The following CNTN2 variants were observed in gnomAD, a reference collection of about 807,000 sequenced individuals.
The protein encoded by CNTN2 is contactin 2.
Under a neutral mutation model 117.5 loss-of-function variants are expected in CNTN2, and 53 were observed. The ratio of observed to expected loss-of-function variants is 0.45; its 90% CI spans 0.36 to 0.57. CNTN2 has a LOEUF of 0.57. CNTN2 is among the 20% of genes least tolerant of loss of function. The pLI, the probability that CNTN2 is intolerant of heterozygous loss-of-function variation, is 0.00. For synonymous variants in CNTN2, 530 were observed against 561.7 expected, an observed-to-expected ratio of 0.94 and a Z score of 0.80; for missense variants, 1,106 against 1,404.3, an observed-to-expected ratio of 0.79 and a Z score of 3.39.
chr1:205,061,241 C>A lies in CNTN2; in HGVS notation c.798-4C>A. 1.2e-6 allele frequency: 2 copies of A among 1,603,130 alleles called. No individual in the cohort carries two copies. The highest frequency in any genetic ancestry group is 1.7e-4 in the Middle Eastern group (1 of 5,764). On this transcript the variant is annotated splice_region_variant and splice_polypyrimidine_tract_variant and intron_variant, in intron 7 of 22. Transcript: ENST00000331830. The surrounding 1 kb of genome is among the most constrained non-coding windows in gnomAD (Gnocchi z 4.8). ...ACACCCTCTGGCTTTGTCTCTCCTGCCAGCCCTGTCCCCCGGATCAAGTGG... is the reference window on the plus strand; with the variant it reads ...ACACCCTCTGGCTTTGTCTCTCCTGACAGCCCTGTCCCCCGGATCAAGTGG...
rs1654722972 is a variant in CNTN2 at position 205,073,777 on chromosome 1, C to T, written c.*12C>T. 6.2e-7 allele frequency: 1 copy of T among 1,608,756 alleles called. No individual in the cohort carries two copies. The highest frequency in any genetic ancestry group is 1.3e-5 in the African/African-American group (1 of 74,982). On this transcript the variant is annotated 3_prime_UTR_variant, in exon 23 of 23. Transcript: ENST00000331830. The surrounding 1 kb of genome is among the most constrained non-coding windows in gnomAD (Gnocchi z 6.3). ...CCCTGGAGCTCTGATCCTGGAACCC[C>T]TCCCTCTGCGCCGCAGCTGGACGCC...
chr1:205,068,416 AC>A (rs1654418213), intron 16 of CNTN2: 1 of 152,146 alleles, frequency 6.6e-6, no homozygotes, highest in African/African-American at 2.4e-5. Flanking sequence ...GAATCACTCA[AC>A]ATTTTTAGCT....
rs1654887830 is a variant in CNTN2, at chr1:205,076,841, G to GATACAAT, written c.*3076_*3077insATACAAT. ...AGGTCAGGTTATCTGCTTTCATTCA[G>GATACAAT]GGCAACAAATGATACAAATGGTGCC... On this transcript the variant is annotated 3_prime_UTR_variant, in exon 23 of 23. Coordinates refer to ENST00000331830, the MANE Select transcript of CNTN2 (RefSeq NM_005076.5). 8 of 152,306 alleles carry GATACAAT rather than the reference G, an allele frequency of 5.3e-5. No individual in the cohort carries two copies. The highest frequency in any genetic ancestry group is 5.2e-4 in the Admixed American group (8 of 15,278). The allele number at this position is 152,306 out of a possible 1,614,324, so 9.4% of individuals were successfully genotyped here.
intron 1 of CNTN2, among the ~76,000 whole-genome samples, chr1:205,049,543 G>A (rs1159529443): frequency 1.3e-5 from 2 of 152,112 alleles, no homozygotes; most frequent in East Asian, 1.9e-4. Flanking sequence ...TAGGGACTCC[G>A]GGTAGGAATC....
At chr1:205,071,761 A>G (rs1326795577) in intron 19 of CNTN2, among the ~76,000 whole-genome samples, 186 bp from the exon 20 acceptor site, 1 of 152,142 alleles carries the variant, frequency 6.6e-6, no homozygotes, top group South Asian at 2.1e-4. Context: ...GCACCAACAG[A>G]CAGCAGGGAC....
chr1:205,075,889 C>G lies in CNTN2; in HGVS notation c.*2124C>G, dbSNP rs1654838929. On this transcript the variant is annotated 3_prime_UTR_variant, in exon 23 of 23. Coordinates refer to ENST00000331830, the MANE Select transcript of CNTN2 (RefSeq NM_005076.5). ...ACTTGGCCTGTGCCTGGTTCTCTAT[C>G]AGAAAGGGGATGCTGAACAAAACCT... 1.3e-5 allele frequency: 2 copies of G among 152,232 alleles called. No homozygotes were observed. Among genetic ancestry groups the G allele is most frequent in the South Asian group, 2.1e-4 (1 of 4,828 alleles). 9.4% of individuals were successfully genotyped at this position (152,232 alleles called of 1,614,324 possible).
intron 9 of CNTN2, chr1:205,062,216 AGTGATGT>A: frequency 1.2e-6 from 1 of 816,008 alleles, no homozygotes; most frequent in East Asian, 2.8e-5. Flanking sequence ...CCACAAAAGA[AGTGATGT>A]GGTCCTGACT....
chr1:205,044,724 G>A (rs752951811), intron 1 of CNTN2, among the ~76,000 whole-genome samples: 10 of 152,172 alleles, frequency 6.6e-5, no homozygotes, highest in South Asian at 4.1e-4. Context: ...CAGAGGGGCC[G>A]GATGAGCCAC....
chr1:205,061,326 C>A lies in CNTN2; in HGVS notation c.879C>A (p.Ile293=). 2 of 1,614,110 alleles carry A rather than the reference C, an allele frequency of 1.2e-6. No homozygotes were observed. Among genetic ancestry groups the A allele is most frequent in the Non-Finnish European group, 1.7e-6 (2 of 1,179,994 alleles). The change falls in exon 8 of 23, where the codon ATC becomes ATA. Residue 293 remains isoleucine, a synonymous_variant. Transcript: ENST00000331830. This position sits in a 1 kb window ranked among gnomAD's most constrained non-coding sequence, Gnocchi z 4.8. ...QWTTAEPTLQ[I]PSVSFEDEGT... ...CCACAGCTGAGCCCACCCTGCAGAT[C>A]CCCAGCGTCAGCTTTGAGGATGAGG...
Position 205,065,890 on chromosome 1 carries a change from G to C in CNTN2, c.1797G>C (p.Glu599Asp), listed in dbSNP as rs1437840891. Residue 599 changes from glutamate to aspartate, a missense_variant, in exon 14 of 23, where the codon GAG becomes GAC. By Grantham distance (45) the Glu-to-Asp change is conservative. Coordinates refer to ENST00000331830, the MANE Select transcript of CNTN2 (RefSeq NM_005076.5). The surrounding 1 kb of genome is among the most constrained non-coding windows in gnomAD (Gnocchi z 4.1). ...CGGTGGTGGACAGCGCGTCCAAGGA[G>C]GCCACAGTCCTGGTCCGAGGTGAGG... ...AQTVVDSASK[E>D]ATVLVRGPPG... 2 of 1,613,548 alleles carry C rather than the reference G, an allele frequency of 1.2e-6. No individual in the cohort carries two copies. Among genetic ancestry groups the C allele is most frequent in the African/African-American group, 2.7e-5 (2 of 75,008 alleles).
chr1:205,070,094 AC>A, intron 18 of CNTN2, 33 bp downstream of exon 18: 6 of 1,593,384 alleles, frequency 3.8e-6, no homozygotes, highest in Non-Finnish European at 5.1e-6. Context: ...GCTCGTCCCT[AC>A]CCCAGCCACT....
Position 205,074,095 on chromosome 1 carries a change from A to G in CNTN2, c.*330A>G, listed in dbSNP as rs1243432541. 1.8e-6 allele frequency: 1 copy of G among 560,720 alleles called. No individual in the cohort carries two copies. Among genetic ancestry groups the G allele is most frequent in the Non-Finnish European group, 3.2e-6 (1 of 316,942 alleles). 34.7% of individuals were successfully genotyped at this position (560,720 alleles called of 1,614,324 possible). ...TTTAAAAACATGTCTTCAACTCAGC[A>G]GAGATGGCCCTCTGGGACCCTATAC... On this transcript the variant is annotated 3_prime_UTR_variant, in exon 23 of 23. Coordinates refer to ENST00000331830, the MANE Select transcript of CNTN2 (RefSeq NM_005076.5).
intron 9 of CNTN2, 158 bp downstream of exon 9, chr1:205,062,159 C>A: frequency 1.1e-6 from 1 of 951,114 alleles, no homozygotes; most frequent in Non-Finnish European, 1.5e-6. Context: ...TTCTTCCCAT[C>A]CCAGTCCCAT....
chr1:205,046,838 A>T (rs1042353745), intron 1 of CNTN2, among the ~76,000 whole-genome samples: 2 of 152,086 alleles, frequency 1.3e-5, no homozygotes, highest in Non-Finnish European at 2.9e-5. Flanking sequence ...AAGTAGGAAA[A>T]CCTAAGGTCT....
In CNTN2 at chr1:205,065,023, C is replaced by A; in HGVS notation, c.1520-64C>A. The A allele has an allele frequency of 6.4e-7, 1 of 1,560,078 alleles. No individual in the cohort carries two copies. The highest frequency in any genetic ancestry group is 8.8e-7 in the Non-Finnish European group (1 of 1,141,798). On this transcript the variant is annotated intron_variant, in intron 12 of 22. Coordinates refer to ENST00000331830, the MANE Select transcript of CNTN2 (RefSeq NM_005076.5). This position sits in a 1 kb window ranked among gnomAD's most constrained non-coding sequence, Gnocchi z 4.1. ...TTAGGACAGAGCCTCTCAGCCTGCC[C>A]TGCGGACCCGGCCTGGGCCCATTTC... is the stretch of plus-strand genomic sequence containing the variant.
chr1:205,064,240 C>T (rs945662483), intron 10 of CNTN2, 82 bp from the exon 11 acceptor site: 11 of 1,441,254 alleles, frequency 7.6e-6, no homozygotes, highest in East Asian at 6.9e-5. Flanking sequence ...TCACTCATGG[C>T]GTGGCTTCAA....
intron 1 of CNTN2, among the ~76,000 whole-genome samples, chr1:205,045,040 G>T (rs935799180): frequency 6.6e-6 from 1 of 152,132 alleles, no homozygotes; most frequent in African/African-American, 2.4e-5. Context: ...ACAGGAAAGG[G>T]CCCCTGACCT....
At position 205,048,423 on chromosome 1, in the gene CNTN2, G is replaced by GCCC. The variant is rs1242264586; in HGVS notation, c.-86-4674_-86-4672dup. Among the ~76,000 whole-genome samples, 1 of 151,924 alleles carries GCCC rather than the reference G, an allele frequency of 6.6e-6. No homozygotes were observed. The highest frequency in any genetic ancestry group is 1.5e-5 in the Non-Finnish European group (1 of 67,976). On this transcript the variant is annotated intron_variant, in intron 1 of 22. Coordinates refer to ENST00000331830, the MANE Select transcript of CNTN2 (RefSeq NM_005076.5). The surrounding 1 kb of genome is among the most constrained non-coding windows in gnomAD (Gnocchi z 4.1). ...GACAATTCAGCCAACTCCCCCTGGT[G>GCCC]CCCCCGAACCCCCCAGTGGTCCACT...
In CNTN2 at chr1:205,058,494, T is replaced by C. The variant is rs1335113437; in HGVS notation, c.392-74T>C. ...ACATGCCTTAGTGAACTGCTGCTTC[T>C]CCGTGAAGGATGAGTCGGGGAGGGG... On this transcript the variant is annotated intron_variant, in intron 4 of 22. Coordinates refer to ENST00000331830, the MANE Select transcript of CNTN2 (RefSeq NM_005076.5). The surrounding 1 kb of genome is among the most constrained non-coding windows in gnomAD (Gnocchi z 4.3). 15 of 1,570,410 alleles carry C rather than the reference T, an allele frequency of 9.6e-6. No individual in the cohort carries two copies. The highest frequency in any genetic ancestry group is 2.6e-6 in the Non-Finnish European group (3 of 1,144,820).
Sources: allele counts gnomAD v4.1 joint callset (sites outside exome capture counted in the v4.1 genomes callset), GRCh38; gene constraint gnomAD v4.1.1; non-coding constraint Gnocchi (gnomAD v3.1); transcripts MANE v1.5; gene names NCBI Gene and HGNC (gene_info 2026-07-23, HGNC 2026-07-21).